The following AK5 variants were observed in gnomAD, a reference collection of about 807,000 sequenced individuals.
The protein encoded by AK5 is adenylate kinase isoenzyme 5.
Under a neutral mutation model 69.5 loss-of-function variants are expected in AK5, and 27 were observed. The observed-to-expected ratio is 0.39, with a 90% confidence interval of 0.29 to 0.54. AK5 has a LOEUF of 0.54. Ranked by LOEUF, AK5 falls within the 20% of genes least tolerant of loss-of-function variation. The pLI is 0.71. For synonymous variants in AK5, 260 were observed against 244.4 expected (o/e 1.06, Z -0.60); for missense variants, 531 against 700.4 (o/e 0.76, Z 2.73).
chr1:77,402,899 T>C (rs1381246455), intron 6 of AK5, among the ~76,000 whole-genome samples: 1 of 152,230 alleles, frequency 6.6e-6, no homozygotes, highest in African/African-American at 2.4e-5. Context: ...TGAGCTAGTT[T>C]ACAGTCCCAC....
rs938241394 is a variant in AK5, at chr1:77,286,842, A to G, written c.61-99A>G. ...AGCCTGGGCAGCAGAGTGAGACTCT[A>G]TTTCAAAAAAATTAATTAATTAAAT... On this transcript the variant is annotated intron_variant, in intron 1 of 13. Coordinates refer to ENST00000354567, the MANE Select transcript of AK5 (RefSeq NM_174858.3). The G allele has an allele frequency of 7.5e-6, 6 of 796,656 alleles. No individual in the cohort carries two copies. In the South Asian group the frequency reaches 2.8e-4, roughly 37 times the overall value. The allele number at this position is 796,656 out of a possible 1,614,324, so 49.3% of individuals were successfully genotyped here.
chr1:77,372,990 C>A (rs944372047), intron 6 of AK5, among the ~76,000 whole-genome samples: 2 of 152,150 alleles, frequency 1.3e-5, no homozygotes, highest in African/African-American at 4.8e-5. Flanking sequence ...AAGTTTTTAA[C>A]CATTATAAAA....
At chr1:77,515,496 C>G (rs186187907) in intron 10 of AK5, among the ~76,000 whole-genome samples, 1 of 152,208 alleles carries the variant, frequency 6.6e-6, no homozygotes, top group East Asian at 1.9e-4. Flanking sequence ...TTCCTTTTAG[C>G]AAGAAAACTT....
chr1:77,414,143 G>T (rs1052566697), intron 7 of AK5, among the ~76,000 whole-genome samples: 1 of 152,146 alleles, frequency 6.6e-6, no homozygotes, highest in Non-Finnish European at 1.5e-5. Flanking sequence ...CATTTGGTAC[G>T]TATGCATTGA....
intron 6 of AK5, among the ~76,000 whole-genome samples, chr1:77,393,670 C>T (rs1305574484): frequency 1.3e-5 from 2 of 152,116 alleles, no homozygotes; most frequent in Non-Finnish European, 2.9e-5. Context: ...AAGTTCTGTA[C>T]TAATAATGGA....
At chr1:77,499,482 C>T (rs1047439700) in intron 10 of AK5, among the ~76,000 whole-genome samples, 11 of 152,186 alleles carry the variant, frequency 7.2e-5, no homozygotes, top group African/African-American at 2.2e-4. Context: ...CCATCACCAC[C>T]GGCCCAGCGA....
intron 10 of AK5, among the ~76,000 whole-genome samples, chr1:77,509,771 G>T (rs1232996266): frequency 6.6e-6 from 1 of 152,210 alleles, no homozygotes; most frequent in Non-Finnish European, 1.5e-5. Flanking sequence ...ATATAAAACT[G>T]CTGTGTCCAA....
chr1:77,289,394 G>T (rs555179052), intron 2 of AK5, among the ~76,000 whole-genome samples: 1 of 152,052 alleles, frequency 6.6e-6, no homozygotes, highest in African/African-American at 2.4e-5. Flanking sequence ...CCAGGGTGTC[G>T]TCATACTTAA....
At chr1:77,533,639 G>C (rs1262898510) in intron 12 of AK5, among the ~76,000 whole-genome samples, 3 of 151,980 alleles carry the variant, frequency 2.0e-5, no homozygotes, top group Non-Finnish European at 4.4e-5. Flanking sequence ...TTGGGAATCA[G>C]TGTGGAAGAA....
intron 12 of AK5, among the ~76,000 whole-genome samples, chr1:77,529,265 G>A (rs556017044): frequency 6.6e-6 from 1 of 151,484 alleles, no homozygotes; most frequent in East Asian, 1.9e-4. Flanking sequence ...TGAACTTGAT[G>A]CTTTACACAT....
intron 6 of AK5, among the ~76,000 whole-genome samples, chr1:77,399,215 A>G (rs1649031965): frequency 6.6e-6 from 1 of 152,218 alleles, no homozygotes; most frequent in South Asian, 2.1e-4. Flanking sequence ...ACATTGGTCA[A>G]GCTAAGGATG....
chr1:77,362,295 T>G (rs940228548), intron 6 of AK5, among the ~76,000 whole-genome samples: 2 of 152,240 alleles, frequency 1.3e-5, no homozygotes, highest in African/African-American at 4.8e-5. Context: ...TTTTGCATTC[T>G]TTTGATTTTT....
chr1:77,395,905 A>G (rs1376544443), intron 6 of AK5, among the ~76,000 whole-genome samples: 1 of 152,174 alleles, frequency 6.6e-6, no homozygotes, highest in Non-Finnish European at 1.5e-5. Flanking sequence ...CATCCCCTCT[A>G]TCAGCCCAAC....
At chr1:77,347,969 A>G (rs781483102) in intron 6 of AK5, among the ~76,000 whole-genome samples, 7 of 152,212 alleles carry the variant, frequency 4.6e-5, no homozygotes, top group Non-Finnish European at 1.0e-4. Flanking sequence ...GCTGCTGATT[A>G]TATGGCAGTC....
At chr1:77,335,464 A>T (rs965674927) in intron 5 of AK5, among the ~76,000 whole-genome samples, 1 of 151,464 alleles carries the variant, frequency 6.6e-6, no homozygotes, top group African/African-American at 2.4e-5. Flanking sequence ...AAGGAAAAGG[A>T]TGCAAAGGAT....
chr1:77,464,382 T>C (rs1375671218), intron 8 of AK5, among the ~76,000 whole-genome samples: 2 of 152,176 alleles, frequency 1.3e-5, no homozygotes, highest in Admixed American at 1.3e-4. Flanking sequence ...TCCGGAGACC[T>C]CCTCCCACCT....
chr1:77,463,485 C>G (rs1396284104), intron 8 of AK5, among the ~76,000 whole-genome samples: 1 of 151,182 alleles, frequency 6.6e-6, no homozygotes, highest in Admixed American at 6.6e-5. Flanking sequence ...TTGGGAAAGA[C>G]AGGCAATTTA....
At chr1:77,551,061 C>T (rs1224633834) in intron 13 of AK5, among the ~76,000 whole-genome samples, 1 of 152,156 alleles carries the variant, frequency 6.6e-6, no homozygotes, top group East Asian at 1.9e-4. Context: ...CCTGTAATTC[C>T]AGCTACTCGG....
In AK5 at chr1:77,536,256, T is replaced by G. The variant is rs149805499; in HGVS notation, c.1620+218T>G. Among the ~76,000 whole-genome samples the G allele has an allele frequency of 0.026, 3,849 of 150,902 alleles. 129 individuals carry two copies. Among genetic ancestry groups the G allele is most frequent in the African/African-American group, 0.089 (3,669 of 41,034 alleles). ...CGGGTGTATTGCTTGAGCCCAGGAG[T>G]TCAAGACCAGCCTAAGCAACATAGT... On this transcript the variant is annotated intron_variant, in intron 13 of 13. Coordinates refer to ENST00000354567, the MANE Select transcript of AK5 (RefSeq NM_174858.3).
Sources: allele counts gnomAD v4.1 joint callset (sites outside exome capture counted in the v4.1 genomes callset), GRCh38; gene constraint gnomAD v4.1.1; transcripts MANE v1.5; gene names NCBI Gene and HGNC (gene_info 2026-07-23, HGNC 2026-07-21).